The following NRXN1 variants were observed in gnomAD, a reference collection of about 807,000 sequenced individuals.
The protein encoded by NRXN1 is neurexin 1, also known as neurexin-1.
In NRXN1, 39 loss-of-function variants were observed where a neutral mutation model predicts 150.9. That is an observed-to-expected ratio of 0.26 (90% CI 0.20 to 0.34). NRXN1 has a LOEUF of 0.34. Among genes scored for constraint, NRXN1 ranks in the 10% least tolerant of loss-of-function variants. The pLI, the probability that NRXN1 is intolerant of heterozygous loss-of-function variation, is 1.00. For missense variants in NRXN1, 1,815 were observed against 1,949.9 expected (o/e 0.93, Z 1.30); for synonymous variants, 924 against 757.0 (o/e 1.22, Z -3.62).
rs535678119 is a variant in NRXN1, at chr2:50,053,555, T to C, written c.3844A>G (p.Ile1282Val). 1.9e-6 allele frequency: 3 copies of C among 1,614,034 alleles called. No homozygotes were observed. The highest frequency in any genetic ancestry group is 2.2e-5 in the South Asian group (2 of 91,090). Residue 1282 changes from isoleucine to valine, a missense_variant, in exon 21 of 23, where the codon ATA (isoleucine) becomes GTA (valine). Physicochemically the swap from Ile to Val is conservative, Grantham distance 29. Transcript: ENST00000401669. The part of the protein sequence containing the change: ...QLTIFNSQAT[I>V]IIGGKEQGQP... Reference sequence around the variant, plus strand: ...CCCTGCTCTTTCCCGCCAATTATTATGGTTGCTTGGCTATTGAAGATTGTG... The same window carrying C: ...CCCTGCTCTTTCCCGCCAATTATTACGGTTGCTTGGCTATTGAAGATTGTG...
At chr2:50,014,216 T>C (rs535677053) in intron 21 of NRXN1, among the ~76,000 whole-genome samples, 13 of 152,068 alleles carry the variant, frequency 8.5e-5, no homozygotes, top group Non-Finnish European at 1.6e-4. Flanking sequence ...GTAAGTATAG[T>C]TTCTTTATCA....
intron 2 of NRXN1, among the ~76,000 whole-genome samples, chr2:51,021,945 CAG>C (rs1355709448): frequency 1.3e-5 from 2 of 151,956 alleles, no homozygotes; most frequent in Admixed American, 1.3e-4. Context: ...ACAAAATTCT[CAG>C]AATGTGATTT....
intron 17 of NRXN1, among the ~76,000 whole-genome samples, chr2:50,447,740 T>TATATATATATATATAG (rs2086571240): frequency 2.5e-5 from 2 of 81,136 alleles, no homozygotes; most frequent in African/African-American, 1.2e-4. Context: ...GGGAACGTTA[T>TATATATATATATATAG]ATATATATAT....
chr2:50,829,655 C>A, intron 5 of NRXN1: 1 of 1,611,780 alleles, frequency 6.2e-7, no homozygotes, highest in Non-Finnish European at 8.5e-7. Context: ...TGGTACGGGA[C>A]GGCATCATAA....
At chr2:50,314,275 A>G (rs910328468) in intron 17 of NRXN1, among the ~76,000 whole-genome samples, 1 of 151,944 alleles carries the variant, frequency 6.6e-6, no homozygotes, top group South Asian at 2.1e-4. Context: ...TCTGTTTCCC[A>G]TGTGGACTCT....
intron 19 of NRXN1, among the ~76,000 whole-genome samples, chr2:50,060,804 T>C (rs1166712908): frequency 6.6e-6 from 1 of 152,182 alleles, no homozygotes; most frequent in African/African-American, 2.4e-5. Flanking sequence ...TCCTCCTTCG[T>C]CTTTCTGACA....
intron 17 of NRXN1, among the ~76,000 whole-genome samples, chr2:50,387,628 G>A (rs1286419704): frequency 6.6e-6 from 1 of 152,130 alleles, no homozygotes; most frequent in East Asian, 1.9e-4. Context: ...AATTCAGTTA[G>A]TTGTGCTAAA....
rs528412352 is a variant in NRXN1, at chr2:50,439,808, C to A, written c.3364+25634G>T. ...CTCCAGCCTGGGCAACAGAGTGAGACTCTGTCTCAAAAAAAAAAAAAAGAA... is the reference window on the plus strand; with the variant it reads ...CTCCAGCCTGGGCAACAGAGTGAGAATCTGTCTCAAAAAAAAAAAAAAGAA... On this transcript the variant is annotated intron_variant, in intron 17 of 22. Coordinates refer to ENST00000401669, the MANE Select transcript of NRXN1 (RefSeq NM_001330078.2). Among the ~76,000 whole-genome samples, 6 of 129,852 alleles carry A rather than the reference C, an allele frequency of 4.6e-5. No homozygotes were observed. The South Asian group carries it at 7.8e-4, about 17-fold the overall frequency. The allele number at this position is 129,852 out of a possible 152,430, so 85.2% of individuals were successfully genotyped here.
intron 15 of NRXN1, among the ~76,000 whole-genome samples, chr2:50,477,692 C>A (rs1032844833): frequency 1.3e-5 from 2 of 152,026 alleles, no homozygotes; most frequent in Admixed American, 6.6e-5. Flanking sequence ...AAAAAGCATA[C>A]AGAAAAAGGA....
intron 9 of NRXN1, among the ~76,000 whole-genome samples, chr2:50,540,441 G>A (rs963012254): frequency 5.3e-5 from 8 of 152,028 alleles, no homozygotes; most frequent in Admixed American, 3.3e-4. Context: ...CAAATGGAAC[G>A]ATCATTACAC....
rs750522201 is a variant in NRXN1 at position 50,552,936 on chromosome 2, T to C, written c.1410A>G (p.Ala470=). Residue 470 remains alanine (A), a synonymous_variant, in exon 9 of 23, where the codon GCA becomes GCG. Coordinates refer to ENST00000401669, the MANE Select transcript of NRXN1 (RefSeq NM_001330078.2). ...DPKMKIHGVV[A]FKCENVATLD... ...AAGTTGCAACATTCTCACATTTAAA[T>C]GCCACCACTCCATGGATCTTCATCT... 2 of 1,613,892 alleles carry C rather than the reference T, an allele frequency of 1.2e-6. No homozygotes were observed. Among genetic ancestry groups the C allele is most frequent in the South Asian group, 2.2e-5 (2 of 91,084 alleles).
At chr2:50,131,425 C>T (rs1326448449) in intron 18 of NRXN1, among the ~76,000 whole-genome samples, 1 of 152,094 alleles carries the variant, frequency 6.6e-6, no homozygotes, top group Admixed American at 6.6e-5. Flanking sequence ...GTCTTGTAAA[C>T]CCTAACAAGG....
chr2:50,032,969 T>C (rs1214979162), intron 21 of NRXN1, among the ~76,000 whole-genome samples: 2 of 151,792 alleles, frequency 1.3e-5, no homozygotes, highest in African/African-American at 4.8e-5. Context: ...CACGCCCCCA[T>C]ATTTATATAC....
intron 2 of NRXN1, among the ~76,000 whole-genome samples, chr2:50,926,866 T>G (rs2104345152): frequency 6.6e-6 from 1 of 152,024 alleles, no homozygotes; most frequent in Non-Finnish European, 1.5e-5. Flanking sequence ...CCAAGCAGAT[T>G]TGTATTTCCC....
intron 13 of NRXN1, 92 bp downstream of exon 13, chr2:50,506,403 T>C (rs1328295436): frequency 1.7e-6 from 2 of 1,158,712 alleles, no homozygotes; most frequent in South Asian, 1.8e-5. Context: ...ACATTTCAAG[T>C]TGTGTACCAG....
At chr2:50,032,445 A>C (rs1454690008) in intron 21 of NRXN1, among the ~76,000 whole-genome samples, 1 of 152,096 alleles carries the variant, frequency 6.6e-6, no homozygotes, top group Non-Finnish European at 1.5e-5. Context: ...GAAGGAATGG[A>C]AAGGAAATTC....
At chr2:50,756,175 T>C (rs1288197864) in intron 5 of NRXN1, among the ~76,000 whole-genome samples, 8 of 151,770 alleles carry the variant, frequency 5.3e-5, no homozygotes, top group Non-Finnish European at 8.8e-5. Context: ...TCTGGTATTG[T>C]CTATCTCCTT....
chr2:50,973,558 C>T (rs1695352516), intron 2 of NRXN1, among the ~76,000 whole-genome samples: 1 of 152,000 alleles, frequency 6.6e-6, no homozygotes, highest in Non-Finnish European at 1.5e-5. Flanking sequence ...CATCTTTCTT[C>T]ATTAATTAAT....
chr2:50,709,283 C>A (rs1389203679), intron 5 of NRXN1, among the ~76,000 whole-genome samples: 1 of 152,140 alleles, frequency 6.6e-6, no homozygotes, highest in Non-Finnish European at 1.5e-5. Context: ...CGGAACCATA[C>A]ATTGACTCTA....
Sources: gnomAD v4.1 joint callset for allele counts (sites outside exome capture counted in the v4.1 genomes callset) on GRCh38, gnomAD v4.1.1 for gene constraint, MANE v1.5 for transcripts, NCBI Gene and HGNC (gene_info 2026-07-23, HGNC 2026-07-21) for gene names.